Variants in RBM6 observed in about 807,000 individuals in gnomAD.
RBM6 encodes the protein RNA binding motif protein 6, also known as RNA-binding protein 6.
Under a neutral mutation model 140.4 loss-of-function variants are expected in RBM6, and 23 were observed. The observed-to-expected ratio is 0.16, with a 90% CI of 0.12 to 0.23. RBM6 has a LOEUF of 0.23. Among genes scored for constraint, RBM6 ranks in the 10% least tolerant of loss-of-function variants. The pLI, the probability that RBM6 is intolerant of heterozygous loss-of-function variation, is 1.00. For synonymous variants in RBM6, 439 were observed against 475.6 expected (o/e 0.92, Z 1.00); for missense variants, 1,139 against 1,386.7 (o/e 0.82, Z 2.84).
Position 50,048,809 on chromosome 3 carries a change from C to T in RBM6, c.1632+490C>T, listed in dbSNP as rs1345469045. On this transcript the variant is annotated intron_variant, in intron 7 of 20. Transcript: ENST00000266022. ...GGGATATTTAAAATTTTAGGCTATA[C>T]TCTTTTTTTTTGAAACGGAATCTCA... Among the ~76,000 whole-genome samples, 12 of 151,984 alleles carry T rather than the reference C, an allele frequency of 7.9e-5. 1 individual carries two copies.
chr3:49,943,655 T>A (rs1266872333), intron 1 of RBM6, among the ~76,000 whole-genome samples: 3 of 152,156 alleles, frequency 2.0e-5, no homozygotes, highest in African/African-American at 7.2e-5. Context: ...GGTCTCCCTA[T>A]GTTGCCTATG....
Position 49,972,139 on chromosome 3 carries a change from A to G in RBM6, c.1404A>G (p.Thr468=). ...IRLSGVPEDA[T]KEEILNAFRT... Reference sequence around the variant, plus strand: ...TAAGTGGGGTACCTGAAGATGCCACAAAAGAAGAGGTAAGGCATGTCTTCT... The same window carrying G: ...TAAGTGGGGTACCTGAAGATGCCACGAAAGAAGAGGTAAGGCATGTCTTCT... Residue 468 remains threonine, a synonymous_variant, in exon 4 of 21, where the codon ACA becomes ACG. Transcript: ENST00000266022. The G allele has an allele frequency of 6.2e-7, 1 of 1,610,398 alleles. No homozygotes were observed.
intron 3 of RBM6, among the ~76,000 whole-genome samples, chr3:49,969,642 G>A (rs1383491284): frequency 6.6e-6 from 1 of 151,506 alleles, no homozygotes; most frequent in Non-Finnish European, 1.5e-5. Flanking sequence ...CTGTCACTCG[G>A]GCTGAAGTGC....
At chr3:50,043,000 G>A (rs2089014565) in intron 6 of RBM6, among the ~76,000 whole-genome samples, 1 of 152,160 alleles carries the variant, frequency 6.6e-6, no homozygotes. Context: ...TGCCATTCTG[G>A]AGTGCAAATA....
intron 6 of RBM6, among the ~76,000 whole-genome samples, chr3:50,045,368 C>A (rs1363364828): frequency 6.6e-6 from 1 of 152,106 alleles, no homozygotes; most frequent in Non-Finnish European, 1.5e-5. Context: ...AGCAGTATCT[C>A]CCTCCAGAGC....
intron 4 of RBM6, among the ~76,000 whole-genome samples, chr3:49,972,626 G>A (rs2084854408): frequency 6.6e-6 from 1 of 152,134 alleles, no homozygotes; most frequent in Non-Finnish European, 1.5e-5. Context: ...ACAAGCATTA[G>A]TTCATTTAAT....
chr3:50,073,432 A>T (rs1057112035), intron 19 of RBM6, among the ~76,000 whole-genome samples: 1 of 152,186 alleles, frequency 6.6e-6, no homozygotes, highest in Admixed American at 6.5e-5. Flanking sequence ...TAATCATTTT[A>T]TCAGGAGAAC....
At chr3:49,977,921 A>G (rs1349801003) in intron 5 of RBM6, among the ~76,000 whole-genome samples, 2 of 152,210 alleles carry the variant, frequency 1.3e-5, no homozygotes, top group Non-Finnish European at 2.9e-5. Context: ...ATTTGAGATC[A>G]GCCTGAGCAA....
intron 5 of RBM6, among the ~76,000 whole-genome samples, chr3:49,991,419 C>T (rs777346368): frequency 1.3e-5 from 2 of 152,150 alleles, no homozygotes; most frequent in African/African-American, 2.4e-5. Flanking sequence ...GTGGGTGGTA[C>T]TGAAAGTTCT....
intron 5 of RBM6, among the ~76,000 whole-genome samples, chr3:49,991,095 T>G (rs913218788): frequency 7.2e-5 from 11 of 152,192 alleles, no homozygotes; most frequent in Non-Finnish European, 1.6e-4. Flanking sequence ...CCCTTCAGAT[T>G]TGATAACTTT....
chr3:50,056,487 G>C (rs554874364), intron 8 of RBM6, among the ~76,000 whole-genome samples: 5 of 152,082 alleles, frequency 3.3e-5, no homozygotes, highest in Admixed American at 6.5e-5. Context: ...GTAGAGACAG[G>C]GTTTCACTGT....
At chr3:49,945,424 T>A (rs1364578444) in intron 1 of RBM6, among the ~76,000 whole-genome samples, 1 of 152,106 alleles carries the variant, frequency 6.6e-6, no homozygotes, top group Admixed American at 6.6e-5. Flanking sequence ...ACTGCCTTAC[T>A]GTTTTCCACA....
intron 14 of RBM6, 199 bp downstream of exon 14, chr3:50,061,746 C>T: frequency 7.5e-7 from 1 of 1,337,642 alleles, no homozygotes; most frequent in South Asian, 1.6e-5. Flanking sequence ...TGTGGCAATA[C>T]AGGTAAGAAC....
At chr3:50,001,723 A>G (rs2086337726) in intron 6 of RBM6, among the ~76,000 whole-genome samples, 1 of 152,148 alleles carries the variant, frequency 6.6e-6, no homozygotes, top group African/African-American at 2.4e-5. Context: ...AAAGCTTCCA[A>G]TCTGTGTGCT....
At chr3:49,944,474 CTTTTTTT>C (rs34463596) in intron 1 of RBM6, among the ~76,000 whole-genome samples, 1 of 132,304 alleles carries the variant, frequency 7.6e-6, no homozygotes, top group South Asian at 2.3e-4. Context: ...GTACAAATAT[CTTTTTTT>C]TTTTTTTTTT....
intron 5 of RBM6, among the ~76,000 whole-genome samples, chr3:49,978,987 ACTT>A (rs2085181135): frequency 6.6e-6 from 1 of 152,190 alleles, no homozygotes; most frequent in Admixed American, 6.5e-5. Context: ...AAAATGGAAT[ACTT>A]CTCAGCAATG....
At chr3:50,027,691 A>T (rs1474542918) in intron 6 of RBM6, among the ~76,000 whole-genome samples, 1 of 152,252 alleles carries the variant, frequency 6.6e-6, no homozygotes, top group Admixed American at 6.5e-5. Context: ...TATAGGGTTG[A>T]ATAATATTCC....
intron 18 of RBM6, among the ~76,000 whole-genome samples, chr3:50,069,524 AAGG>A (rs1364933718): frequency 1.3e-5 from 2 of 150,834 alleles, no homozygotes; most frequent in Non-Finnish European, 3.0e-5. Flanking sequence ...AAAAAAAAAA[AAGG>A]AAGCCACCTG....
At chr3:49,982,899 A>G (rs1389646118) in intron 5 of RBM6, among the ~76,000 whole-genome samples, 1 of 151,530 alleles carries the variant, frequency 6.6e-6, no homozygotes, top group African/African-American at 2.4e-5. Context: ...TTTAGTAGAG[A>G]CAGGGTTTCA....
Sources: allele counts gnomAD v4.1 joint callset (sites outside exome capture counted in the v4.1 genomes callset), GRCh38; gene constraint gnomAD v4.1.1; transcripts MANE v1.5; gene names NCBI Gene and HGNC (gene_info 2026-07-23, HGNC 2026-07-21).